RAB22A: variants seen among roughly 807,000 people sequenced by gnomAD.
RAB22A encodes RAB22A, member RAS oncogene family.
A neutral mutation model predicts 30.2 loss-of-function variants in RAB22A; 13 were observed. The ratio of observed to expected loss-of-function variants is 0.43; its 90% CI spans 0.28 to 0.68. RAB22A has a LOEUF of 0.68. Among genes scored for constraint, RAB22A ranks in the 30% least tolerant of loss-of-function variants. The pLI is 0.18. For missense variants in RAB22A, 177 were observed against 246.8 expected (o/e 0.72, Z 1.89); for synonymous variants, 89 against 87.2 (o/e 1.02, Z -0.11).
At chr20:58,333,739 T>C (rs967990139) in intron 2 of RAB22A, among the ~76,000 whole-genome samples, 1 of 152,128 alleles carries the variant, frequency 6.6e-6, no homozygotes, top group African/African-American at 2.4e-5. Context: ...CAGAGAGGTA[T>C]AGCTGAAAAT....
At chr20:58,315,171 C>A (rs1216847754) in intron 2 of RAB22A, among the ~76,000 whole-genome samples, 1 of 152,168 alleles carries the variant, frequency 6.6e-6, no homozygotes, top group East Asian at 1.9e-4. Flanking sequence ...TAGTTCCCTT[C>A]CTGCTTCATA....
At position 58,349,615 on chromosome 20, in the gene RAB22A, C is replaced by A. The variant is rs548981060; in HGVS notation, c.199-3658C>A. ...CTAGACTTCAAAGTTTGAATCCAATCCTGCTGTGTTACAGGGGATCACTAA... is the reference window on the plus strand; with the variant it reads ...CTAGACTTCAAAGTTTGAATCCAATACTGCTGTGTTACAGGGGATCACTAA... On this transcript the variant is annotated intron_variant, in intron 3 of 6. Transcript: ENST00000244040. Among the ~76,000 whole-genome samples the A allele has an allele frequency of 3.9e-5, 6 of 152,310 alleles. 1 individual carries two copies. The South Asian group carries it at 1.2e-3, about 32-fold the overall frequency.
chr20:58,333,735 G>A (rs2036368132), intron 2 of RAB22A, among the ~76,000 whole-genome samples: 1 of 152,160 alleles, frequency 6.6e-6, no homozygotes, highest in South Asian at 2.1e-4. Flanking sequence ...CACACAGAGA[G>A]GTATAGCTGA....
intron 6 of RAB22A, among the ~76,000 whole-genome samples, chr20:58,356,600 C>T (rs150184367): frequency 2.0e-5 from 3 of 152,300 alleles, no homozygotes; most frequent in Admixed American, 6.5e-5. Flanking sequence ...GAATATACTC[C>T]GGTGCTTGGC....
chr20:58,317,724 A>G (rs756069744), intron 2 of RAB22A, among the ~76,000 whole-genome samples: 6 of 151,024 alleles, frequency 4.0e-5, no homozygotes, highest in African/African-American at 1.5e-4. Context: ...ACGCCCAGCT[A>G]ATTTTTTGTA....
chr20:58,349,794 C>A lies in RAB22A; in HGVS notation c.199-3479C>A, dbSNP rs536507611. ...TAATACTCTTCAGAGAAGAAAAAAA[C>A]CAAGCGTCTACAGTGCATCATCCAC... On this transcript the variant is annotated intron_variant, in intron 3 of 6. Transcript: ENST00000244040. Among the ~76,000 whole-genome samples the A allele has an allele frequency of 2.0e-3, 312 of 152,286 alleles. 1 individual carries two copies. Among genetic ancestry groups the A allele is most frequent in the African/African-American group, 7.2e-3 (299 of 41,552 alleles).
intron 1 of RAB22A, among the ~76,000 whole-genome samples, chr20:58,310,347 T>C (rs558220884): frequency 1.3e-5 from 2 of 152,164 alleles, no homozygotes; most frequent in Admixed American, 1.3e-4. Flanking sequence ...AAGGTATTAG[T>C]TGGGAGTTGG....
chr20:58,335,259 C>T (rs568041659), intron 2 of RAB22A, among the ~76,000 whole-genome samples: 2 of 152,280 alleles, frequency 1.3e-5, no homozygotes, highest in East Asian at 1.9e-4. Context: ...GCTGTTATGC[C>T]GTCACCTCAT....
In RAB22A at chr20:58,314,037, A is replaced by G. The variant is rs565246845; in HGVS notation, c.116+2915A>G. 2.0e-4 allele frequency among the ~76,000 whole-genome samples: 30 copies of G among 146,814 alleles called. No homozygotes were observed. The South Asian group carries it at 6.4e-3, about 31-fold the overall frequency. ...CTACATTATGACTAGTGTACAGGAA[A>G]TGATTTATTCTTTTTCTTTTTTTTT... On this transcript the variant is annotated intron_variant, in intron 2 of 6. Transcript: ENST00000244040.
chr20:58,310,007 C>G lies in RAB22A; in HGVS notation c.31C>G (p.Leu11Val). 7.8e-7 allele frequency: 1 copy of G among 1,283,682 alleles called. No individual in the cohort carries two copies. 79.5% of individuals were successfully genotyped at this position (1,283,682 alleles called of 1,614,324 possible). A position where few individuals can be genotyped will look rare whatever the true frequency, so the allele number is the denominator to read the frequency against. ...GCTGAGGGAGCTCAAAGTGTGTCTG[C>G]TCGGGGTGAGTGGCGGCGGGTCCGG... is the stretch of plus-strand genomic sequence containing the variant. MALRELKVCL[L>V]GDTGVGKSSI... The change falls in exon 1 of 7, where the codon CTC becomes GTC. Residue 11 changes from leucine to valine, a missense_variant. Coordinates refer to ENST00000244040, the MANE Select transcript of RAB22A (RefSeq NM_020673.3).
At chr20:58,358,320 A>G (rs1049062142) in intron 6 of RAB22A, among the ~76,000 whole-genome samples, 2 of 152,214 alleles carry the variant, frequency 1.3e-5, no homozygotes, top group Non-Finnish European at 2.9e-5. Context: ...ATTTGGCAGC[A>G]TCTGTCAAAA....
rs34195658 is a variant in RAB22A, at chr20:58,318,553, C to CT, written c.116+7442dup. ...AAAAATTCCTAAATCAGAAACCCTT[C>CT]TTTTTTTTTTTCCAAAATCGGAAAC... On this transcript the variant is annotated intron_variant, in intron 2 of 6. Transcript: ENST00000244040. 9.7e-3 allele frequency among the ~76,000 whole-genome samples: 1,438 copies of CT among 147,540 alleles called. 23 individuals are homozygous for CT. Among genetic ancestry groups the CT allele is most frequent in the Middle Eastern group, 0.035 (10 of 284 alleles).
chr20:58,328,284 C>T (rs1268701541), intron 2 of RAB22A, among the ~76,000 whole-genome samples: 1 of 152,040 alleles, frequency 6.6e-6, no homozygotes, highest in East Asian at 1.9e-4. Context: ...CAGGCTCAAG[C>T]GATCCTCCCA....
intron 2 of RAB22A, among the ~76,000 whole-genome samples, chr20:58,334,495 T>A (rs1342976166): frequency 6.6e-6 from 1 of 151,982 alleles, no homozygotes. Context: ...GTTTTCTTAT[T>A]TTGAGCTTTT....
intron 2 of RAB22A, among the ~76,000 whole-genome samples, chr20:58,320,960 G>A (rs995595476): frequency 6.6e-6 from 1 of 152,150 alleles, no homozygotes; most frequent in Admixed American, 6.5e-5. Flanking sequence ...GGGAGGCCGA[G>A]GCGGGTAGAT....
At chr20:58,315,695 C>T (rs1232193815) in intron 2 of RAB22A, among the ~76,000 whole-genome samples, 1 of 151,912 alleles carries the variant, frequency 6.6e-6, no homozygotes, top group African/African-American at 2.4e-5. Flanking sequence ...CCCTCTTCAC[C>T]CCACCCCCAG....
Position 58,330,588 on chromosome 20 carries a change from A to G in RAB22A, c.117-13130A>G, listed in dbSNP as rs372704053. On this transcript the variant is annotated intron_variant, in intron 2 of 6. Coordinates refer to ENST00000244040, the MANE Select transcript of RAB22A (RefSeq NM_020673.3). The stretch of plus-strand genomic sequence containing the variant: ...CTGAAGAGTGCTGTTTTGTTTTAAC[A>G]GAATGTTAAATTATGGGCTAATCAT... Among the ~76,000 whole-genome samples, 59 of 152,346 alleles carry G rather than the reference A, an allele frequency of 3.9e-4. No homozygotes were observed. The South Asian group carries it at 0.012, about 30-fold the overall frequency.
At chr20:58,346,495 C>T (rs1986951297) in intron 3 of RAB22A, among the ~76,000 whole-genome samples, 1 of 152,236 alleles carries the variant, frequency 6.6e-6, no homozygotes, top group African/African-American at 2.4e-5. Context: ...CACTGGAGCC[C>T]AGCTGGCTCC....
intron 2 of RAB22A, among the ~76,000 whole-genome samples, chr20:58,343,034 GTGAGCGGTGTGACC>G (rs757966568): frequency 1.3e-5 from 2 of 152,210 alleles, no homozygotes; most frequent in Non-Finnish European, 2.9e-5. Context: ...CTCCCTGAAA[GTGAGCGGTGTGACC>G]TGCAAACCAT....
Sources: gnomAD v4.1 joint callset for allele counts (sites outside exome capture counted in the v4.1 genomes callset) on GRCh38, gnomAD v4.1.1 for gene constraint, MANE v1.5 for transcripts, NCBI Gene and HGNC (gene_info 2026-07-23, HGNC 2026-07-21) for gene names.